The following EDA variants were observed in gnomAD, a reference collection of about 807,000 sequenced individuals.
The protein encoded by EDA is ectodysplasin-A.
A neutral mutation model predicts 23.6 loss-of-function variants in EDA; 2 were observed. The ratio of observed to expected loss-of-function variants is 0.08; its 90% CI spans 0.03 to 0.27. EDA has a LOEUF of 0.27. Ranked by LOEUF, EDA falls within the 10% of genes least tolerant of loss-of-function variation. The pLI, the probability that EDA is intolerant of heterozygous loss-of-function variation, is 1.00. For synonymous variants in EDA, 131 were observed against 132.0 expected (o/e 0.99, Z 0.05); for missense variants, 229 against 324.2 (o/e 0.71, Z 2.26).
At chrX:69,824,166 G>A (rs1228741663) in intron 1 of EDA, among the ~76,000 whole-genome samples, 10 of 109,777 alleles carry the variant, frequency 9.1e-5, no homozygotes, top group African/African-American at 3.0e-4. Context: ...GCTCAGGATT[G>A]ACTTGGCAAT....
At chrX:69,923,712 G>A (rs1416675013) in intron 1 of EDA, among the ~76,000 whole-genome samples, 1 of 111,454 alleles carries the variant, frequency 9.0e-6, no homozygotes, top group Non-Finnish European at 1.9e-5. Context: ...GGGTCAAATG[G>A]TATTTTTGGT....
chrX:69,922,216 AT>A (rs1426678945), intron 1 of EDA, among the ~76,000 whole-genome samples: 2 of 112,390 alleles, frequency 1.8e-5, no homozygotes, highest in African/African-American at 6.5e-5. Context: ...ATTAAGTGAC[AT>A]CTTGGTTGCT....
At position 69,616,426 on chromosome X, in the gene EDA, T is replaced by C. The variant is rs1047013877; in HGVS notation, c.118T>C (p.Cys40Arg). 1 of 1,211,395 alleles carries C rather than the reference T, an allele frequency of 8.3e-7. No homozygotes were observed. Among genetic ancestry groups the C allele is most frequent in the Non-Finnish European group, 1.1e-6 (1 of 895,382 alleles). ...TGCCCGGGCGGGCGAAGGGAACAGC[T>C]GCCTGCTCTTCCTGGGTTTCTTTGG... Reference protein sequence around the residue: ...APARAGEGNSCLLFLGFFGLS... With the variant: ...APARAGEGNSRLLFLGFFGLS... The change falls in exon 1 of 8, where the codon TGC (cysteine) becomes CGC (arginine). Residue 40 changes from cysteine (C) to arginine (R), a missense_variant. Cys to Arg is a radical substitution (Grantham distance 180). Around this residue, in one of 2 missense-constraint regions of EDA, gnomAD observed 54 missense variants for 42.4 expected, o/e 1.27. Transcript: ENST00000374552.
chrX:69,680,687 C>T (rs1934306595), intron 1 of EDA, among the ~76,000 whole-genome samples: 2 of 69,946 alleles, frequency 2.9e-5, no homozygotes, highest in African/African-American at 1.3e-4. Flanking sequence ...GATCTTCCTC[C>T]ATCCTTTTAT....
At chrX:69,849,088 C>T (rs1486114512) in intron 1 of EDA, among the ~76,000 whole-genome samples, 2,610 of 16,296 alleles carry the variant, frequency 0.16, 54 homozygotes, top group African/African-American at 0.21. Context: ...TATATACACA[C>T]ACACACACAC....
At chrX:69,677,414 A>G (rs1235819864) in intron 1 of EDA, among the ~76,000 whole-genome samples, 16 of 111,648 alleles carry the variant, frequency 1.4e-4, no homozygotes, top group Non-Finnish European at 3.0e-4. Flanking sequence ...ACTGACTTCC[A>G]CAATGGTTGA....
chrX:69,938,261 C>T (rs2018706168), intron 1 of EDA, among the ~76,000 whole-genome samples: 1 of 111,066 alleles, frequency 9.0e-6, no homozygotes, highest in South Asian at 3.9e-4. Context: ...TTCGCACCGC[C>T]TGTCTTTTGA....
At chrX:69,751,506 G>A (rs1249904534) in intron 1 of EDA, among the ~76,000 whole-genome samples, 1 of 111,600 alleles carries the variant, frequency 9.0e-6, no homozygotes, top group Non-Finnish European at 1.9e-5. Flanking sequence ...TTGGCAATGT[G>A]GGCTCCTTTT....
At chrX:69,917,235 C>T (rs748744610) in intron 1 of EDA, among the ~76,000 whole-genome samples, 1 of 111,395 alleles carries the variant, frequency 9.0e-6, no homozygotes, top group African/African-American at 3.3e-5. Context: ...CATGCCCGGC[C>T]GCTCATTTTT....
chrX:69,708,792 G>A (rs1472895676), intron 1 of EDA, among the ~76,000 whole-genome samples: 1 of 110,728 alleles, frequency 9.0e-6, no homozygotes, highest in African/African-American at 3.3e-5. Flanking sequence ...TAATATATCA[G>A]GTGGAAGCAA....
chrX:69,804,829 A>T (rs1602425829), intron 1 of EDA, among the ~76,000 whole-genome samples: 1 of 111,866 alleles, frequency 8.9e-6, no homozygotes, highest in Admixed American at 9.5e-5. Context: ...TTGTTTAATA[A>T]GTTTACAATA....
chrX:69,710,307 A>G (rs6653167), intron 1 of EDA, among the ~76,000 whole-genome samples: 1,235 of 110,536 alleles, frequency 0.011, 18 homozygotes, highest in African/African-American at 0.039. Context: ...AGATAGTTGT[A>G]GATATGCGGC....
At chrX:69,945,622 G>T (rs1046536035) in intron 1 of EDA, among the ~76,000 whole-genome samples, 2 of 111,866 alleles carry the variant, frequency 1.8e-5, no homozygotes, top group Admixed American at 1.9e-4. Flanking sequence ...TGACTCTAAT[G>T]AATAGGGTAT....
intron 1 of EDA, among the ~76,000 whole-genome samples, chrX:69,785,134 A>G (rs1430558722): frequency 2.9e-5 from 3 of 102,236 alleles, no homozygotes; most frequent in African/African-American, 1.1e-4. Flanking sequence ...ATTTTTGTAC[A>G]TTGATTTTGT....
At chrX:69,815,990 A>C (rs2016073019) in intron 1 of EDA, among the ~76,000 whole-genome samples, 1 of 111,540 alleles carries the variant, frequency 9.0e-6, no homozygotes, top group African/African-American at 3.3e-5. Flanking sequence ...TACCAGAGGA[A>C]GGGGGTGGCT....
At chrX:69,847,796 A>T (rs942521526) in intron 1 of EDA, among the ~76,000 whole-genome samples, 1 of 111,833 alleles carries the variant, frequency 8.9e-6, no homozygotes, top group Non-Finnish European at 1.9e-5. Flanking sequence ...TTATGTGAAC[A>T]TAAGTTTTCA....
intron 1 of EDA, among the ~76,000 whole-genome samples, chrX:69,762,338 A>G (rs1358576045): frequency 8.9e-6 from 1 of 111,968 alleles, no homozygotes; most frequent in Non-Finnish European, 1.9e-5. Context: ...GTTCTCCAGT[A>G]AGTCTTTCTT....
chrX:69,980,239 A>G (rs1308323713), intron 2 of EDA, among the ~76,000 whole-genome samples: 1 of 111,791 alleles, frequency 8.9e-6, no homozygotes, highest in Non-Finnish European at 1.9e-5. Flanking sequence ...ACCCTCCTGT[A>G]AAGACCTTCC....
intron 1 of EDA, among the ~76,000 whole-genome samples, chrX:69,653,191 A>T (rs1933161842): frequency 9.0e-6 from 1 of 111,547 alleles, no homozygotes; most frequent in Admixed American, 9.5e-5. Context: ...GAGGTCCTTC[A>T]CATCCCTTGT....
Sources: allele counts gnomAD v4.1 joint callset (sites outside exome capture counted in the v4.1 genomes callset), GRCh38; gene constraint gnomAD v4.1.1; regional missense constraint gnomAD v4.1.1; transcripts MANE v1.5; gene names NCBI Gene and HGNC (gene_info 2026-07-23, HGNC 2026-07-21).